The following PIK3R3 variants were observed in gnomAD, a reference collection of about 807,000 sequenced individuals.
PIK3R3 encodes the protein phosphatidylinositol 3-kinase regulatory subunit gamma.
A neutral mutation model predicts 62.9 loss-of-function variants in PIK3R3; 64 were observed. That is an observed-to-expected ratio of 1.02 (90% CI 0.83 to 1.25). The LOEUF is 1.25. Ranked by LOEUF, PIK3R3 falls within the 50% of genes most tolerant of loss-of-function variation. The pLI is 0.00. For synonymous variants in PIK3R3, 165 were observed against 189.0 expected (o/e 0.87, Z 1.04); for missense variants, 614 against 561.6 (o/e 1.09, Z -0.94).
At chr1:46,116,354 T>C (rs1198790366) in intron 1 of PIK3R3, among the ~76,000 whole-genome samples, 1 of 151,622 alleles carries the variant, frequency 6.6e-6, no homozygotes, top group Non-Finnish European at 1.5e-5. Context: ...CTACAAAAAT[T>C]AAAAATAAAA....
chr1:46,082,390 T>C (rs962898047), intron 1 of PIK3R3, among the ~76,000 whole-genome samples: 6 of 152,238 alleles, frequency 3.9e-5, no homozygotes, highest in Non-Finnish European at 7.3e-5. Flanking sequence ...TGAAGAAGAC[T>C]AAAGAATCCT....
the PIK3R3 span, among the ~76,000 whole-genome samples, chr1:46,154,290 G>A: frequency 6.6e-6 from 1 of 152,170 alleles, no homozygotes; most frequent in African/African-American, 2.4e-5. Context: ...GAATCCTGTT[G>A]AGCATGGTGG....
chr1:46,161,090 ACTTAT>A, the PIK3R3 span, among the ~76,000 whole-genome samples: 2 of 151,920 alleles, frequency 1.3e-5, no homozygotes, highest in South Asian at 4.2e-4. Flanking sequence ...GTAATGATTC[ACTTAT>A]CAAATTTGCA....
chr1:46,122,102 T>G (rs757450972), intron 1 of PIK3R3, among the ~76,000 whole-genome samples: 1 of 151,534 alleles, frequency 6.6e-6, no homozygotes, highest in East Asian at 1.9e-4. Context: ...TAAAATAAAA[T>G]AAATAAATAA....
Position 46,045,947 on chromosome 1 carries a change from G to C in PIK3R3, c.1158C>G (p.Ser386Arg). 1 of 1,613,438 alleles carries C rather than the reference G, an allele frequency of 6.2e-7. No homozygotes were observed. The highest frequency in any genetic ancestry group is 8.5e-7 in the Non-Finnish European group (1 of 1,179,736). Reference sequence around the variant, plus strand: ...CAGAGCAAGCATAGCATCCTTTCTTGCTACTCTCACGAATTAAGAATGCAC... The same window carrying C: ...CAGAGCAAGCATAGCATCCTTTCTTCCTACTCTCACGAATTAAGAATGCAC... ...PDGAFLIRESSKKGCYACSVV... is the reference protein window; with the variant it reads ...PDGAFLIRESRKKGCYACSVV... The change falls in exon 9 of 10, where the codon AGC (serine) becomes AGG (arginine). Residue 386 changes from serine to arginine, a missense_variant. Physicochemically the swap from Ser to Arg is moderately radical, Grantham distance 110. Coordinates refer to ENST00000262741, the MANE Select transcript of PIK3R3 (RefSeq NM_003629.4).
intron 7 of PIK3R3, chr1:46,048,060 C>A (rs918403116): frequency 6.6e-6 from 1 of 152,296 alleles, no homozygotes; most frequent in African/African-American, 2.4e-5. Context: ...GGATTACAGG[C>A]ATGAGCCACC....
rs33975572 is a variant in PIK3R3 at position 46,102,803 on chromosome 1, T to TA, written c.107-22054dup. 8.3e-3 allele frequency among the ~76,000 whole-genome samples: 463 copies of TA among 55,756 alleles called. 10 individuals carry two copies. The highest frequency in any genetic ancestry group is 0.025 in the African/African-American group (310 of 12,262). The allele number at this position is 55,756 out of a possible 152,430, so 36.6% of individuals were successfully genotyped here. ...TCCTTCTTATTCTGGGTATATATCTTAAAAAAAAAAAAAAAAAAAAAAAAA... is the reference window on the plus strand; with the variant it reads ...TCCTTCTTATTCTGGGTATATATCTTAAAAAAAAAAAAAAAAAAAAAAAAAA... On this transcript the variant is annotated intron_variant, in intron 1 of 9. Coordinates refer to ENST00000262741, the MANE Select transcript of PIK3R3 (RefSeq NM_003629.4).
intron 3 of PIK3R3, among the ~76,000 whole-genome samples, 169 bp from the exon 4 acceptor site, chr1:46,067,260 A>G (rs943004868): frequency 6.8e-5 from 10 of 146,556 alleles, no homozygotes; most frequent in African/African-American, 2.0e-4. Context: ...GAACATATAT[A>G]TATATATATA....
chr1:46,065,924 A>T (rs576379832), intron 5 of PIK3R3, 130 bp downstream of exon 5: 2 of 758,034 alleles, frequency 2.6e-6, no homozygotes, highest in African/African-American at 3.5e-5. Flanking sequence ...TTATATCATT[A>T]AAGTTTCAAA....
chr1:46,085,887 A>G (rs944675008), intron 1 of PIK3R3, among the ~76,000 whole-genome samples: 2 of 152,162 alleles, frequency 1.3e-5, no homozygotes, highest in African/African-American at 2.4e-5. Flanking sequence ...CCATTTTTAG[A>G]AACTATATTA....
At chr1:46,101,256 G>A (rs906196131) in intron 1 of PIK3R3, among the ~76,000 whole-genome samples, 1 of 152,116 alleles carries the variant, frequency 6.6e-6, no homozygotes, top group Non-Finnish European at 1.5e-5. Context: ...AGCACTTTGG[G>A]AGGCTGAGGT....
intron 7 of PIK3R3, among the ~76,000 whole-genome samples, chr1:46,051,676 GT>G (rs1469517007): frequency 6.6e-6 from 1 of 152,010 alleles, no homozygotes; most frequent in Non-Finnish European, 1.5e-5. Flanking sequence ...TACCTATATT[GT>G]TATGGCCGTT....
chr1:46,083,272 T>C (rs531410088), intron 1 of PIK3R3, among the ~76,000 whole-genome samples: 41 of 152,202 alleles, frequency 2.7e-4, no homozygotes, highest in African/African-American at 9.6e-4. Context: ...AAGACCTAAA[T>C]ATCAAGACCT....
rs1021523740 is a variant in PIK3R3, at chr1:46,042,024, A to C, written c.*1649T>G. On this transcript the variant is annotated 3_prime_UTR_variant, in exon 10 of 10. Transcript: ENST00000262741. The surrounding 1 kb of genome is among the most constrained non-coding windows in gnomAD (Gnocchi z 4.3). ...CTGTAAGCCTTATAAACCAAGATGC[A>C]GGTACTGGCTTCTCTAGCTCAGCCA... 9.9e-5 allele frequency: 22 copies of C among 221,964 alleles called. No individual in the cohort carries two copies. Among genetic ancestry groups the C allele is most frequent in the Non-Finnish European group, 1.8e-4 (20 of 110,936 alleles). The allele number at this position is 221,964 out of a possible 1,614,324, so 13.7% of individuals were successfully genotyped here.
chr1:46,142,530 C>T, the PIK3R3 span, among the ~76,000 whole-genome samples: 2 of 152,092 alleles, frequency 1.3e-5, no homozygotes, highest in African/African-American at 4.8e-5. Flanking sequence ...AACCCCGTCT[C>T]TACTAAAAAT....
intron 1 of PIK3R3, among the ~76,000 whole-genome samples, chr1:46,083,220 T>G (rs889234234): frequency 6.6e-6 from 1 of 152,220 alleles, no homozygotes; most frequent in Non-Finnish European, 1.5e-5. Context: ...AAGAATGAAG[T>G]TGGATCCCTG....
chr1:46,046,055 C>CA lies in PIK3R3; in HGVS notation c.1049dup (p.Pro351AlafsTer4), dbSNP rs778458977. 9 of 1,607,642 alleles carry CA rather than the reference C, an allele frequency of 5.6e-6. No individual in the cohort carries two copies. The highest frequency in any genetic ancestry group is 6.8e-6 in the Non-Finnish European group (8 of 1,174,978). Reference sequence around the variant, plus strand: ...ACCAGGTTTTCTCATCATAATGGGGCAGGTTTTCATCTTCCTCATTGATAA... The same window carrying CA: ...ACCAGGTTTTCTCATCATAATGGGGCAAGGTTTTCATCTTCCTCATTGATAA... On this transcript the variant is annotated frameshift_variant, in exon 9 of 10. Transcript: ENST00000262741. LOFTEE classifies it high-confidence loss of function.
intron 1 of PIK3R3, among the ~76,000 whole-genome samples, chr1:46,117,181 C>A (rs1184686918): frequency 1.3e-5 from 2 of 152,054 alleles, no homozygotes; most frequent in African/African-American, 4.8e-5. Context: ...ATCTATAATC[C>A]CAGCACTTTG....
At chr1:46,066,224 A>G (rs767316602) in intron 4 of PIK3R3, 45 bp from the exon 5 acceptor site, 5 of 1,317,140 alleles carry the variant, frequency 3.8e-6, no homozygotes, top group South Asian at 2.6e-5. Context: ...CAATTCTGAC[A>G]TATGTGGAAA....
Sources: gnomAD v4.1 joint callset for allele counts (sites outside exome capture counted in the v4.1 genomes callset) on GRCh38, gnomAD v4.1.1 for gene constraint, Gnocchi (gnomAD v3.1) non-coding constraint, MANE v1.5 for transcripts, NCBI Gene and HGNC (gene_info 2026-07-23, HGNC 2026-07-21) for gene names.